Variants in TET2 observed in about 807,000 individuals in gnomAD.
The protein encoded by TET2 is methylcytosine dioxygenase TET2.
Under a neutral mutation model 142.9 loss-of-function variants are expected in TET2, and 299 were observed. The ratio of observed to expected loss-of-function variants is 2.09; its 90% confidence interval spans 1.90 to 2.30. The LOEUF is 2.30. TET2 is among the 30% of genes most tolerant of loss of function. The pLI is 0.00. For synonymous variants in TET2, 819 were observed against 849.0 expected (o/e 0.96, Z 0.61); for missense variants, 2,418 against 2,378.0 (o/e 1.02, Z -0.35).
rs1221877686 is a variant in TET2 at position 105,234,193 on chromosome 4, G to A, written c.251G>A (p.Gly84Glu). The part of the protein sequence containing the change: ...VSPDFTQESR[G>E]YSKCLQNGGI... Reference sequence around the variant, plus strand: ...CCTGACTTTACACAAGAAAGTAGAGGGTATTCCAAGTGTTTGCAAAATGGA... The same window carrying A: ...CCTGACTTTACACAAGAAAGTAGAGAGTATTCCAAGTGTTTGCAAAATGGA... Residue 84 changes from glycine to glutamate, a missense_variant, in exon 3 of 11, where the codon GGG becomes GAG. Physicochemically the swap from Gly to Glu is moderately conservative, Grantham distance 98. Transcript: ENST00000380013. The A allele has an allele frequency of 3.1e-6, 5 of 1,614,130 alleles. No homozygotes were observed. Among genetic ancestry groups the A allele is most frequent in the Non-Finnish European group, 4.2e-6 (5 of 1,180,014 alleles).
intron 1 of TET2, among the ~76,000 whole-genome samples, chr4:105,157,586 A>C (rs1723630651): frequency 1.3e-5 from 2 of 152,196 alleles, no homozygotes; most frequent in Admixed American, 1.3e-4. Context: ...TCACCTTATT[A>C]ATGGCTAAGA....
chr4:105,261,556 G>GA (rs200224178), intron 7 of TET2, among the ~76,000 whole-genome samples: 2,047 of 151,718 alleles, frequency 0.013, 46 homozygotes, highest in African/African-American at 0.045. Context: ...TCAATCTTAT[G>GA]AAAAAAACAA....
At chr4:105,225,281 C>G (rs1728120825) in intron 2 of TET2, among the ~76,000 whole-genome samples, 1 of 151,328 alleles carries the variant, frequency 6.6e-6, no homozygotes, top group Non-Finnish European at 1.5e-5. Flanking sequence ...GATAAACATG[C>G]CATGTATTTT....
intron 4 of TET2, 162 bp downstream of exon 4, chr4:105,241,591 C>G: frequency 7.3e-7 from 1 of 1,367,332 alleles, no homozygotes; most frequent in East Asian, 2.8e-5. Flanking sequence ...GTGCTATTCA[C>G]CAGAGAGTCA....
intron 10 of TET2, among the ~76,000 whole-genome samples, chr4:105,274,846 A>C (rs1731120631): frequency 6.6e-6 from 1 of 152,044 alleles, no homozygotes; most frequent in South Asian, 2.1e-4. Flanking sequence ...TTTTTCACTA[A>C]GTTTTGTATT....
At chr4:105,195,510 C>CTTA (rs902273781) in intron 2 of TET2, among the ~76,000 whole-genome samples, 4 of 152,096 alleles carry the variant, frequency 2.6e-5, no homozygotes, top group Non-Finnish European at 5.9e-5. Context: ...ATATCAAAAT[C>CTTA]TGTGGATCCT....
intron 8 of TET2, among the ~76,000 whole-genome samples, chr4:105,262,868 C>T (rs1429488562): frequency 8.8e-5 from 13 of 147,730 alleles, no homozygotes; most frequent in Middle Eastern, 3.4e-3. Context: ...GCAACAAGAG[C>T]GAAACTCCAT....
At chr4:105,186,940 A>G (rs1560735358) in intron 1 of TET2, among the ~76,000 whole-genome samples, 1 of 152,296 alleles carries the variant, frequency 6.6e-6, no homozygotes, top group Non-Finnish European at 1.5e-5. Context: ...AGACTATTCT[A>G]TTTGTTGGGG....
intron 2 of TET2, among the ~76,000 whole-genome samples, chr4:105,220,554 T>G (rs1003610969): frequency 6.6e-6 from 1 of 152,066 alleles, no homozygotes; most frequent in Admixed American, 6.6e-5. Context: ...CCCTCTACCG[T>G]GAGCACCAGT....
intron 6 of TET2, among the ~76,000 whole-genome samples, chr4:105,250,223 C>T (rs773172849): frequency 6.6e-6 from 1 of 151,936 alleles, no homozygotes; most frequent in African/African-American, 2.4e-5. Context: ...ATCTGCATGA[C>T]TTTTCTTATG....
At chr4:105,196,335 T>C (rs1726091441) in intron 2 of TET2, among the ~76,000 whole-genome samples, 1 of 152,154 alleles carries the variant, frequency 6.6e-6, no homozygotes, top group South Asian at 2.1e-4. Context: ...TTGAAGTTTT[T>C]GCAATTAGAA....
intron 7 of TET2, among the ~76,000 whole-genome samples, chr4:105,260,875 A>G (rs1157656220): frequency 1.3e-5 from 2 of 152,092 alleles, no homozygotes; most frequent in Non-Finnish European, 2.9e-5. Context: ...TGTCATTTTA[A>G]TTTTCTACAG....
At chr4:105,153,674 A>G (rs1300058413) in intron 1 of TET2, among the ~76,000 whole-genome samples, 2 of 152,362 alleles carry the variant, frequency 1.3e-5, no homozygotes, top group South Asian at 2.1e-4. Flanking sequence ...CAGCCTATAC[A>G]TGGCTTAGGC....
intron 1 of TET2, among the ~76,000 whole-genome samples, chr4:105,163,914 C>G (rs1331132837): frequency 6.8e-6 from 1 of 148,074 alleles, no homozygotes; most frequent in Non-Finnish European, 1.5e-5. Flanking sequence ...GTATAATTGA[C>G]AAGTAAACAG....
intron 1 of TET2, among the ~76,000 whole-genome samples, chr4:105,175,076 C>G (rs1304195264): frequency 6.6e-6 from 1 of 152,174 alleles, no homozygotes; most frequent in Non-Finnish European, 1.5e-5. Context: ...AATTATAAGG[C>G]TACAGAATGC....
Position 105,236,296 on chromosome 4 carries a change from T to A in TET2, c.2354T>A (p.Phe785Tyr). The A allele has an allele frequency of 1.2e-6, 2 of 1,614,098 alleles. No homozygotes were observed. Among genetic ancestry groups the A allele is most frequent in the Non-Finnish European group, 1.7e-6 (2 of 1,180,032 alleles). ...GGCCAGACTAAAGTGGAAGAATGTT[T>A]TCATGGTGAAAATCAGTATTCAAAA... is the stretch of plus-strand genomic sequence containing the variant. ...FFGQTKVEEC[F>Y]HGENQYSKSS... The change falls in exon 3 of 11, where the codon TTT (phenylalanine) becomes TAT (tyrosine). Residue 785 changes from phenylalanine (F) to tyrosine (Y), a missense_variant. Phe to Tyr is a conservative substitution (Grantham distance 22). Transcript: ENST00000380013.
chr4:105,222,928 A>C (rs1459122420), intron 2 of TET2, among the ~76,000 whole-genome samples: 1 of 152,202 alleles, frequency 6.6e-6, no homozygotes, highest in African/African-American at 2.4e-5. Context: ...TCAGCTTTCC[A>C]CATATGGCTA....
chr4:105,190,429 G>A lies in TET2; in HGVS notation c.-123G>A, dbSNP rs985677341. 9.4e-5 allele frequency: 66 copies of A among 701,074 alleles called. No individual in the cohort carries two copies. Among genetic ancestry groups the A allele is most frequent in the Non-Finnish European group, 1.5e-4 (56 of 384,454 alleles). 43.4% of individuals were successfully genotyped at this position (701,074 alleles called of 1,614,324 possible). On this transcript the variant is annotated 5_prime_UTR_variant, in exon 2 of 11. Coordinates refer to ENST00000380013, the MANE Select transcript of TET2 (RefSeq NM_001127208.3). ...GCCTTTGCTCCTGTTGAGTTACAAC[G>A]CTTGGAAGCAGGAGATGGGCTCAGC...
At chr4:105,196,734 C>G (rs754589027) in intron 2 of TET2, among the ~76,000 whole-genome samples, 3 of 152,308 alleles carry the variant, frequency 2.0e-5, no homozygotes, top group Non-Finnish European at 4.4e-5. Context: ...AAACATCCTA[C>G]TTACTGTAGT....
Sources: gnomAD v4.1 joint callset for allele counts (sites outside exome capture counted in the v4.1 genomes callset) on GRCh38, gnomAD v4.1.1 for gene constraint, MANE v1.5 for transcripts, NCBI Gene and HGNC (gene_info 2026-07-23, HGNC 2026-07-21) for gene names.